The following PRKCA variants were observed in gnomAD, a reference collection of about 807,000 sequenced individuals.
PRKCA encodes protein kinase C alpha, also known as protein kinase C alpha type.
A neutral mutation model predicts 87.0 loss-of-function variants in PRKCA; 27 were observed. The observed-to-expected ratio is 0.31, with a 90% CI of 0.23 to 0.43. The LOEUF is 0.43. PRKCA is among the 20% of genes least tolerant of loss of function. The pLI is 1.00. For missense variants in PRKCA, 518 were observed against 852.3 expected (o/e 0.61, Z 4.88); for synonymous variants, 329 against 311.1 (o/e 1.06, Z -0.61).
At chr17:66,680,921 C>T (rs2144001807) in intron 5 of PRKCA, among the ~76,000 whole-genome samples, 1 of 152,288 alleles carries the variant, frequency 6.6e-6, no homozygotes, top group South Asian at 2.1e-4. Context: ...TACATATATT[C>T]TCTGGATTAA....
intron 2 of PRKCA, among the ~76,000 whole-genome samples, chr17:66,341,699 A>G (rs184282748): frequency 1.3e-5 from 2 of 152,376 alleles, no homozygotes; most frequent in East Asian, 3.9e-4. Flanking sequence ...CCATGCAGGT[A>G]TGCTCCCAGC....
In PRKCA at chr17:66,729,376, C is replaced by A. The variant is rs181430342; in HGVS notation, c.919-3312C>A. ...CTGGGATCGCACCACTGCACTCCAG[C>A]CTGGGTGACAAGAGTGAAACTCTGT... On this transcript the variant is annotated intron_variant, in intron 8 of 16. Transcript: ENST00000413366. Among the ~76,000 whole-genome samples the A allele has an allele frequency of 5.6e-4, 85 of 152,184 alleles. 1 individual carries two copies. The highest frequency in any genetic ancestry group is 5.9e-4 in the Non-Finnish European group (40 of 67,998).
intron 13 of PRKCA, among the ~76,000 whole-genome samples, chr17:66,769,112 T>C (rs8073317): frequency 0.095 from 14,424 of 152,212 alleles, 833 homozygotes; most frequent in African/African-American, 0.16. Flanking sequence ...TCAGTTAAAA[T>C]AGGCATTTCC....
intron 5 of PRKCA, among the ~76,000 whole-genome samples, chr17:66,650,732 A>T (rs553339535): frequency 6.6e-6 from 1 of 152,258 alleles, no homozygotes; most frequent in East Asian, 1.9e-4. Flanking sequence ...ACCCCTGCAG[A>T]TATGGAGACT....
intron 3 of PRKCA, among the ~76,000 whole-genome samples, chr17:66,576,393 A>G (rs1209610492): frequency 2.0e-5 from 3 of 152,234 alleles, no homozygotes; most frequent in African/African-American, 7.2e-5. Flanking sequence ...AATTTAAAGC[A>G]TGAGATGGGC....
intron 2 of PRKCA, among the ~76,000 whole-genome samples, chr17:66,341,492 C>T (rs192618835): frequency 1.2e-4 from 19 of 152,298 alleles, no homozygotes; most frequent in South Asian, 6.2e-4. Context: ...ATTCTTGCAT[C>T]GTAGGGAGCT....
At chr17:66,687,525 A>G (rs567433330) in intron 6 of PRKCA, among the ~76,000 whole-genome samples, 4 of 152,360 alleles carry the variant, frequency 2.6e-5, no homozygotes, top group African/African-American at 7.2e-5. Context: ...TTAAGGAAAT[A>G]GAATTAAGGT....
At chr17:66,568,455 G>A (rs1379145486) in intron 3 of PRKCA, among the ~76,000 whole-genome samples, 3 of 152,136 alleles carry the variant, frequency 2.0e-5, no homozygotes, top group Admixed American at 1.3e-4. Context: ...GGAAGCTTGA[G>A]TGCGGGTGCT....
intron 13 of PRKCA, among the ~76,000 whole-genome samples, chr17:66,753,926 A>T (rs2144271769): frequency 6.6e-6 from 1 of 152,264 alleles, no homozygotes; most frequent in South Asian, 2.1e-4. Flanking sequence ...TAAGCCACCC[A>T]GTCTGTGGTG....
intron 2 of PRKCA, among the ~76,000 whole-genome samples, chr17:66,314,977 G>T (rs975928523): frequency 6.6e-6 from 1 of 151,304 alleles, no homozygotes; most frequent in Non-Finnish European, 1.5e-5. Context: ...ATATATGTGT[G>T]TATGTATGTG....
At chr17:66,793,480 C>T (rs1385397043) in intron 16 of PRKCA, among the ~76,000 whole-genome samples, 1 of 150,424 alleles carries the variant, frequency 6.6e-6, no homozygotes, top group Non-Finnish European at 1.5e-5. Flanking sequence ...ATCCCAGCTA[C>T]TTGGGAGGCT....
At chr17:66,697,566 T>G (rs1050566581) in intron 8 of PRKCA, among the ~76,000 whole-genome samples, 11 of 152,242 alleles carry the variant, frequency 7.2e-5, no homozygotes, top group Middle Eastern at 3.4e-3. Flanking sequence ...AAGAGCATAG[T>G]AAGTAAGCAC....
intron 3 of PRKCA, among the ~76,000 whole-genome samples, chr17:66,515,803 G>A (rs917322050): frequency 4.6e-5 from 7 of 152,246 alleles, no homozygotes; most frequent in East Asian, 1.9e-4. Flanking sequence ...CCTCGGCTTT[G>A]CAGAGTGTTG....
chr17:66,400,495 C>T (rs758746211), intron 2 of PRKCA, among the ~76,000 whole-genome samples: 71 of 152,292 alleles, frequency 4.7e-4, no homozygotes, highest in African/African-American at 1.7e-3. Context: ...AACTTTTCGT[C>T]TTGCAAAACT....
At chr17:66,330,791 T>C (rs1324029715) in intron 2 of PRKCA, among the ~76,000 whole-genome samples, 1 of 152,128 alleles carries the variant, frequency 6.6e-6, no homozygotes, top group Non-Finnish European at 1.5e-5. Context: ...GGAAAAACAA[T>C]TTTGGACTTG....
intron 2 of PRKCA, among the ~76,000 whole-genome samples, chr17:66,381,747 G>A (rs79939256): frequency 0.12 from 18,222 of 152,088 alleles, 1,477 homozygotes; most frequent in East Asian, 0.28. Context: ...CTGCTTGCTG[G>A]CTTCTAAGAA....
chr17:66,710,206 C>T (rs1598889017), intron 8 of PRKCA, among the ~76,000 whole-genome samples: 1 of 151,978 alleles, frequency 6.6e-6, no homozygotes. Context: ...GAGACCTGCA[C>T]CTGGGGTGCC....
chr17:66,438,350 C>G (rs904486885), intron 2 of PRKCA, among the ~76,000 whole-genome samples: 6 of 152,060 alleles, frequency 3.9e-5, no homozygotes, highest in Non-Finnish European at 5.9e-5. Context: ...TCTCATATTT[C>G]CAGTTGATGA....
chr17:66,517,797 A>G (rs1967016120), intron 3 of PRKCA, among the ~76,000 whole-genome samples: 1 of 152,168 alleles, frequency 6.6e-6, no homozygotes, highest in Non-Finnish European at 1.5e-5. Context: ...TGCTTGTGAC[A>G]AGGTTGAAAA....
Sources: allele counts gnomAD v4.1 joint callset (sites outside exome capture counted in the v4.1 genomes callset), GRCh38; gene constraint gnomAD v4.1.1; transcripts MANE v1.5; gene names NCBI Gene and HGNC (gene_info 2026-07-23, HGNC 2026-07-21).